The following LRRK1 variants were observed in gnomAD, a reference collection of about 807,000 sequenced individuals.
LRRK1 encodes the protein leucine rich repeat kinase 1.
A neutral mutation model predicts 209.1 loss-of-function variants in LRRK1; 113 were observed. The observed-to-expected ratio is 0.54, with a 90% confidence interval of 0.46 to 0.63. The LOEUF is 0.63. Ranked by LOEUF, LRRK1 falls within the 30% of genes least tolerant of loss-of-function variation. LRRK1 has a pLI of 0.00. For missense variants in LRRK1, 2,284 were observed against 2,632.2 expected (o/e 0.87, Z 2.89); for synonymous variants, 1,144 against 1,099.7 (o/e 1.04, Z -0.80).
At chr15:100,936,762 A>G (rs981364467) in intron 2 of LRRK1, among the ~76,000 whole-genome samples, 1 of 152,228 alleles carries the variant, frequency 6.6e-6, no homozygotes, top group African/African-American at 2.4e-5. Context: ...CTTGGGTGCT[A>G]TCACTTCAGC....
chr15:100,964,934 T>A (rs536933183), intron 2 of LRRK1, among the ~76,000 whole-genome samples: 1 of 152,324 alleles, frequency 6.6e-6, no homozygotes, highest in South Asian at 2.1e-4. Flanking sequence ...TTTATTCCAA[T>A]GATTGGGACA....
intron 6 of LRRK1, among the ~76,000 whole-genome samples, chr15:101,005,445 G>A (rs1212190029): frequency 6.6e-6 from 1 of 152,160 alleles, no homozygotes; most frequent in Non-Finnish European, 1.5e-5. Context: ...TGTGGATTAT[G>A]GAAAGATGAG....
At chr15:101,010,379 A>G in intron 7 of LRRK1, 71 bp from the exon 8 acceptor site, 1 of 1,538,566 alleles carries the variant, frequency 6.5e-7, no homozygotes. Context: ...CTCTTGGTTT[A>G]TAGAAAAATA....
rs761681296 is a variant in LRRK1, at chr15:100,972,357, AGAGAGAGTGTGT to A, written c.98-1445_98-1434del. On this transcript the variant is annotated intron_variant, in intron 2 of 33. Transcript: ENST00000388948. ...ATATGAGAGAGAGAGAGAGAGAGAG[AGAGAGAGTGTGT>A]GTGTGTGTGTGTGTGTGTGTGTGTG... is the stretch of plus-strand genomic sequence containing the variant. 2.8e-3 allele frequency among the ~76,000 whole-genome samples: 264 copies of A among 95,936 alleles called. 2 individuals are homozygous for A. Among genetic ancestry groups the A allele is most frequent in the South Asian group, 9.9e-3 (29 of 2,922 alleles). The allele number at this position is 95,936 out of a possible 152,430, so 62.9% of individuals were successfully genotyped here.
Position 100,969,476 on chromosome 15 carries a change from T to TTATTTTTTC in LRRK1, c.98-4326_98-4318dup, listed in dbSNP as rs533194372. Reference sequence around the variant, plus strand: ...TGTTTAGGTCCATGATTCATCTCAGTTATTTTTTCTTTTTTTTCAAGTTTT... The same window carrying TTATTTTTTC: ...TGTTTAGGTCCATGATTCATCTCAGTTATTTTTTCTATTTTTTCTTTTTTTTCAAGTTTT... On this transcript the variant is annotated intron_variant, in intron 2 of 33. Transcript: ENST00000388948. Among the ~76,000 whole-genome samples the TTATTTTTTC allele has an allele frequency of 4.6e-5, 7 of 152,318 alleles. No homozygotes were observed. The East Asian group carries it at 1.3e-3, about 29-fold the overall frequency.
intron 2 of LRRK1, among the ~76,000 whole-genome samples, chr15:100,963,343 T>G (rs1385194798): frequency 6.6e-6 from 1 of 152,230 alleles, no homozygotes; most frequent in Non-Finnish European, 1.5e-5. Context: ...GCAGCGACTC[T>G]GTGGGCCCCA....
chr15:101,013,175 G>GT (rs113881145), intron 10 of LRRK1, among the ~76,000 whole-genome samples: 4 of 151,712 alleles, frequency 2.6e-5, no homozygotes, highest in African/African-American at 9.7e-5. Context: ...TGGGGGCTTG[G>GT]GGGACCCTGA....
At chr15:100,938,956 G>T (rs1170312095) in intron 2 of LRRK1, among the ~76,000 whole-genome samples, 1 of 144,684 alleles carries the variant, frequency 6.9e-6, no homozygotes, top group Non-Finnish European at 1.6e-5. Context: ...AGCGAGGCAT[G>T]GTGGCGGGCA....
Position 101,074,678 on chromosome 15 carries a change from G to GA in LRRK1, c.*5836dup, listed in dbSNP as rs927455299. On this transcript the variant is annotated 3_prime_UTR_variant, in exon 34 of 34. Coordinates refer to ENST00000388948, the MANE Select transcript of LRRK1 (RefSeq NM_024652.6). ...CTTGCCTTCAAGGTGTACAATAATA[G>GA]AAAAAAGTTGCAATTCCTTGCCTCC... is the stretch of plus-strand genomic sequence containing the variant. 3.3e-5 allele frequency: 5 copies of GA among 151,962 alleles called. No individual in the cohort carries two copies. Among genetic ancestry groups the GA allele is most frequent in the Non-Finnish European group, 5.9e-5 (4 of 68,012 alleles). The allele number at this position is 151,962 out of a possible 1,614,324, so 9.4% of individuals were successfully genotyped here.
At chr15:101,046,240 G>A (rs1312665075) in intron 21 of LRRK1, 88 bp downstream of exon 21, 1 of 1,400,274 alleles carries the variant, frequency 7.1e-7, no homozygotes, top group Non-Finnish European at 9.8e-7. Context: ...CTTTGCTGGG[G>A]GGCCCTGCCT....
intron 10 of LRRK1, among the ~76,000 whole-genome samples, chr15:101,012,583 G>A (rs1006564936): frequency 2.0e-5 from 3 of 152,340 alleles, no homozygotes; most frequent in Admixed American, 6.5e-5. Flanking sequence ...GCCAACCCCA[G>A]AAGGGGCCCC....
intron 20 of LRRK1, among the ~76,000 whole-genome samples, chr15:101,045,503 C>T (rs1171014614): frequency 6.6e-6 from 1 of 152,174 alleles, no homozygotes; most frequent in Non-Finnish European, 1.5e-5. Flanking sequence ...CGCGTCGTGT[C>T]AACGGGCCAA....
chr15:101,008,908 C>T lies in LRRK1; in HGVS notation c.834C>T (p.Cys278=). The T allele has an allele frequency of 1.2e-6, 2 of 1,614,184 alleles. No individual in the cohort carries two copies. The highest frequency in any genetic ancestry group is 1.7e-6 in the Non-Finnish European group (2 of 1,180,010). ...TAGACTGGCTCATAGACATCTCCTG[C>T]CAGATCACGGAGCTCGACCTTTCTG... The part of the protein sequence containing the change: ...VDLDWLIDIS[C]QITELDLSAN... The change falls in exon 7 of 34, where the codon TGC becomes TGT. Residue 278 remains cysteine (C), a synonymous_variant. Transcript: ENST00000388948.
At chr15:100,979,717 C>A (rs1248030196) in intron 3 of LRRK1, among the ~76,000 whole-genome samples, 2 of 152,074 alleles carry the variant, frequency 1.3e-5, no homozygotes, top group Non-Finnish European at 2.9e-5. Flanking sequence ...ATAAAGAACT[C>A]TCAGAACTCA....
rs2035728934 is a variant in LRRK1 at position 101,055,239 on chromosome 15, C to T, written c.4332+16C>T. On this transcript the variant is annotated intron_variant, in intron 27 of 33. Transcript: ENST00000388948. ...TGATGAGAAGGTACGTGCCTGGATC[C>T]CCTGGCCCAGCCCCACAGTGTAGGA... 1 of 1,527,288 alleles carries T rather than the reference C, an allele frequency of 6.5e-7. No homozygotes were observed. Among genetic ancestry groups the T allele is most frequent in the Non-Finnish European group, 8.8e-7 (1 of 1,138,864 alleles). The allele number at this position is 1,527,288 out of a possible 1,614,324, so 94.6% of individuals were successfully genotyped here.
Position 101,032,287 on chromosome 15 carries a change from CT to C in LRRK1, c.2963+3065del, listed in dbSNP as rs201198621. ...TCTTTATATCTTCTGGATACAAGTT[CT>C]TTTTTTTTTATTCTTTAAGTTCTAG... On this transcript the variant is annotated intron_variant, in intron 20 of 33. Coordinates refer to ENST00000388948, the MANE Select transcript of LRRK1 (RefSeq NM_024652.6). Among the ~76,000 whole-genome samples the C allele has an allele frequency of 8.5e-4, 127 of 148,672 alleles. 1 individual carries two copies. Among genetic ancestry groups the C allele is most frequent in the Non-Finnish European group, 1.6e-3 (108 of 66,930 alleles).
intron 2 of LRRK1, among the ~76,000 whole-genome samples, chr15:100,930,169 T>C (rs907237635): frequency 6.6e-6 from 1 of 152,218 alleles, no homozygotes; most frequent in Non-Finnish European, 1.5e-5. Flanking sequence ...TGCACCAGGC[T>C]TTATTCATTT....
rs1293448832 is a variant in LRRK1, at chr15:100,973,861, C to G, written c.155C>G (p.Ser52Cys). 3.9e-6 allele frequency: 5 copies of G among 1,291,762 alleles called. No individual in the cohort carries two copies. The highest frequency in any genetic ancestry group is 8.3e-5 in the Admixed American group (2 of 24,184). The allele number at this position is 1,291,762 out of a possible 1,614,324, so 80.0% of individuals were successfully genotyped here. A position where few individuals can be genotyped will look rare whatever the true frequency, so the allele number is the denominator to read the frequency against. Reference sequence around the variant, plus strand: ...CGGGGCGGTGACCCTGCAGCGCGGTCCCGCAGGACGGAAGGCATCCGCGCC... The same window carrying G: ...CGGGGCGGTGACCCTGCAGCGCGGTGCCGCAGGACGGAAGGCATCCGCGCC... ...STRGGDPAARSRRTEGIRAAY... is the reference protein window; with the variant it reads ...STRGGDPAARCRRTEGIRAAY... Residue 52 changes from serine to cysteine, a missense_variant, in exon 3 of 34, where the codon TCC (serine) becomes TGC (cysteine). By Grantham distance (112) the Ser-to-Cys change is moderately radical. This residue lies in a region of LRRK1 where 174 missense variants were observed against 133.5 expected (regional missense o/e 1.30). Transcript: ENST00000388948.
chr15:100,994,620 T>A (rs763454272), intron 6 of LRRK1, among the ~76,000 whole-genome samples: 35 of 152,184 alleles, frequency 2.3e-4, no homozygotes, highest in Admixed American at 1.3e-4. Context: ...GAAAAGGCAA[T>A]GGTGCTTTTC....
Sources: gnomAD v4.1 joint callset for allele counts (sites outside exome capture counted in the v4.1 genomes callset) on GRCh38, gnomAD v4.1.1 for gene constraint, gnomAD v4.1.1 regional missense constraint, MANE v1.5 for transcripts, NCBI Gene and HGNC (gene_info 2026-07-23, HGNC 2026-07-21) for gene names.